SPG7: variants seen among roughly 807,000 people sequenced by gnomAD.
SPG7 encodes the protein mitochondrial inner membrane m-AAA protease component paraplegin.
A neutral mutation model predicts 81.9 loss-of-function variants in SPG7; 103 were observed. That is an observed-to-expected ratio of 1.26 (90% CI 1.07 to 1.48). The LOEUF (loss-of-function observed/expected upper bound fraction) is 1.48. Among genes scored for constraint, SPG7 ranks in the 40% most tolerant of loss-of-function variants. SPG7 has a pLI of 0.00. For missense variants in SPG7, 1,241 were observed against 1,087.3 expected, an observed-to-expected ratio of 1.14 and a Z score of -1.99; for synonymous variants, 534 against 444.2, an observed-to-expected ratio of 1.20 and a Z score of -2.54.
chr16:89,525,642 T>TG (rs1340630605), intron 4 of SPG7, among the ~76,000 whole-genome samples: 1 of 152,152 alleles, frequency 6.6e-6, no homozygotes, highest in African/African-American at 2.4e-5. Flanking sequence ...GAGCTAAACA[T>TG]GCGGAGTTTA....
chr16:89,526,595 G>T, intron 5 of SPG7, 127 bp downstream of exon 5: 2 of 981,362 alleles, frequency 2.0e-6, no homozygotes, highest in Admixed American at 1.7e-5. Flanking sequence ...TAGTGGGAGG[G>T]TTAAATAAAT....
At position 89,537,595 on chromosome 16, in the gene SPG7, C is replaced by T. The variant is rs547426746; in HGVS notation, c.1324+4959C>T. ...CGCCCAGGCTGGAGTGCAGTGCCAC[C>T]ATCATAGCTCACTGCAGCCTCCACC... On this transcript the variant is annotated intron_variant, in intron 9 of 16. Transcript: ENST00000645818. 9.2e-5 allele frequency: 87 copies of T among 941,066 alleles called. 1 individual carries two copies. The African/African-American group carries it at 1.5e-3, about 16-fold the overall frequency. The allele number at this position is 941,066 out of a possible 1,614,324, so 58.3% of individuals were successfully genotyped here. A position where few individuals can be genotyped will look rare whatever the true frequency, so the allele number is the denominator to read the frequency against.
At chr16:89,546,982 G>C in intron 11 of SPG7, 1 of 536,828 alleles carries the variant, frequency 1.9e-6, no homozygotes, top group South Asian at 1.9e-5. Flanking sequence ...AAAAGCAGAC[G>C]GTGGTTCCCG....
At chr16:89,529,181 C>CAA (rs1235319264) in intron 5 of SPG7, 1 of 445,996 alleles carries the variant, frequency 2.2e-6, no homozygotes, top group African/African-American at 2.0e-5. Context: ...CATTTGAAAA[C>CAA]AAAATATACT....
In SPG7 at chr16:89,553,778, C is replaced by T. The variant is rs74590011; in HGVS notation, c.1937-16C>T. ...TGCAGTGCTGAGGATGCCTCTGTCT[C>T]GACCCCGCCCTCCAGGGGCACAGGA... On this transcript the variant is annotated splice_polypyrimidine_tract_variant and intron_variant, in intron 14 of 16. Coordinates refer to ENST00000645818, the MANE Select transcript of SPG7 (RefSeq NM_003119.4). 3.7e-6 allele frequency: 6 copies of T among 1,612,992 alleles called. No homozygotes were observed. The highest frequency in any genetic ancestry group is 5.1e-6 in the Non-Finnish European group (6 of 1,179,874).
intron 15 of SPG7, 75 bp from the exon 16 acceptor site, chr16:89,554,411 C>G: frequency 1.0e-6 from 1 of 995,898 alleles, no homozygotes; most frequent in South Asian, 1.3e-5. Context: ...TCCCAGTCTG[C>G]CATTTCTTTT....
intron 15 of SPG7, 33 bp from the exon 16 acceptor site, chr16:89,554,452 GC>G: frequency 6.6e-7 from 1 of 1,522,328 alleles, no homozygotes; most frequent in African/African-American, 1.4e-5. Context: ...CAGGCGGCCA[GC>G]CTTGCCCCTG....
chr16:89,531,779 G>C, intron 7 of SPG7, 125 bp from the exon 8 acceptor site: 1 of 905,700 alleles, frequency 1.1e-6, no homozygotes, highest in African/African-American at 1.6e-5. Context: ...GGAGTTTGAG[G>C]CTGCAGTGAG....
intron 1 of SPG7, chr16:89,508,829 G>C (rs780026233): frequency 5.8e-6 from 4 of 684,460 alleles, no homozygotes; most frequent in Non-Finnish European, 1.1e-5. Flanking sequence ...CGCAGTCCTC[G>C]GCGTGGACTT....
At chr16:89,546,226 A>G in intron 10 of SPG7, 1 of 313,596 alleles carries the variant, frequency 3.2e-6, no homozygotes, top group Non-Finnish European at 6.2e-6. Context: ...AGCTGGGATT[A>G]CAGGCACCCG....
chr16:89,535,497 A>G (rs2058401779), intron 9 of SPG7, among the ~76,000 whole-genome samples: 1 of 152,218 alleles, frequency 6.6e-6, no homozygotes, highest in Non-Finnish European at 1.5e-5. Context: ...GTCGTCTCTC[A>G]ACACGCTTAT....
intron 5 of SPG7, chr16:89,526,763 G>A (rs922092528): frequency 6.0e-5 from 23 of 384,996 alleles, no homozygotes; most frequent in Non-Finnish European, 8.4e-5. Flanking sequence ...TGTAGATGCC[G>A]AAGTCTCAGC....
rs1394129207 is a variant in SPG7, at chr16:89,553,903, C to T, written c.2046C>T (p.Gly682=). The T allele has an allele frequency of 1.9e-6, 3 of 1,612,958 alleles. No individual in the cohort carries two copies. Among genetic ancestry groups the T allele is most frequent in the Admixed American group, 3.3e-5 (2 of 60,008 alleles). The part of the protein sequence containing the change: ...GPISFPEAQE[G]LMGIGRRPFS... ...TCTCCTTCCCTGAGGCGCAGGAGGG[C>T]CTCATGGGCATCGGGCGGCGCCCCT... The change falls in exon 15 of 17, where the codon GGC becomes GGT. Residue 682 remains glycine (G), a synonymous_variant. Coordinates refer to ENST00000645818, the MANE Select transcript of SPG7 (RefSeq NM_003119.4).
At chr16:89,522,155 C>T (rs1204898630) in intron 3 of SPG7, 2 of 152,328 alleles carry the variant, frequency 1.3e-5, no homozygotes, top group Non-Finnish European at 2.9e-5. Flanking sequence ...GTATTAGATG[C>T]ACGATTAGGA....
At chr16:89,511,851 T>C (rs1358051164) in intron 2 of SPG7, among the ~76,000 whole-genome samples, 1 of 152,222 alleles carries the variant, frequency 6.6e-6, no homozygotes, top group Non-Finnish European at 1.5e-5. Context: ...CCTGAGTAGC[T>C]GGGAAGTCAG....
chr16:89,525,786 C>G (rs773626253), intron 4 of SPG7, among the ~76,000 whole-genome samples: 25 of 152,140 alleles, frequency 1.6e-4, no homozygotes, highest in Non-Finnish European at 3.4e-4. Context: ...CCTAAAACAT[C>G]TGTTTTTGGC....
At chr16:89,536,659 C>A (rs662175) in intron 9 of SPG7, 15 of 1,362,406 alleles carry the variant, frequency 1.1e-5, no homozygotes, top group Non-Finnish European at 1.4e-5. Context: ...GCGAGGCAGG[C>A]GAGGCGGGTG....
chr16:89,522,782 C>T (rs2058206624), intron 3 of SPG7: 3 of 152,566 alleles, frequency 2.0e-5, no homozygotes, highest in Admixed American at 6.5e-5. Context: ...GGACTACTCC[C>T]CACCTGGGCC....
At chr16:89,532,103 C>CT in intron 8 of SPG7, 37 bp downstream of exon 8, 5 of 1,602,018 alleles carry the variant, frequency 3.1e-6, no homozygotes, top group Non-Finnish European at 4.3e-6. Context: ...GTGGGCTTGG[C>CT]TGACTACCTG....
Sources: allele counts gnomAD v4.1 joint callset (sites outside exome capture counted in the v4.1 genomes callset), GRCh38; gene constraint gnomAD v4.1.1; transcripts MANE v1.5; gene names NCBI Gene and HGNC (gene_info 2026-07-23, HGNC 2026-07-21).